The following SGCD variants were observed in gnomAD, a reference collection of about 807,000 sequenced individuals.
SGCD encodes sarcoglycan delta.
In SGCD, 18 loss-of-function variants were observed where a neutral mutation model predicts 36.6. The ratio of observed to expected loss-of-function variants is 0.49; its 90% confidence interval spans 0.34 to 0.73. SGCD has a LOEUF of 0.73. SGCD is among the 30% of genes least tolerant of loss of function. The probability of loss-of-function intolerance (pLI) is 0.01; values close to 1 mark genes in which losing one functional copy is unlikely to be tolerated. For synonymous variants in SGCD, 133 were observed against 130.6 expected (o/e 1.02, Z -0.12); for missense variants, 387 against 346.7 (o/e 1.12, Z -0.92).
At chr5:156,638,463 G>A (rs559016176) in intron 6 of SGCD, among the ~76,000 whole-genome samples, 2 of 152,192 alleles carry the variant, frequency 1.3e-5, no homozygotes, top group South Asian at 2.1e-4. Context: ...AGAACCAGGG[G>A]GTCACCCTTG....
intron 3 of SGCD, among the ~76,000 whole-genome samples, chr5:156,504,392 G>GTGTATATATATATA (rs1413599402): frequency 5.3e-4 from 40 of 75,064 alleles, no homozygotes; most frequent in Non-Finnish European, 9.1e-4. Context: ...GTGTGTGTGT[G>GTGTATATATATATA]TATATATATA....
In SGCD at chr5:156,647,501, A is replaced by G; in HGVS notation, c.540A>G (p.Thr180=). 6.3e-7 allele frequency: 1 copy of G among 1,586,744 alleles called. No homozygotes were observed. The highest frequency in any genetic ancestry group is 8.6e-7 in the Non-Finnish European group (1 of 1,164,720). The change falls in exon 7 of 9, where the codon ACA becomes ACG. Residue 180 remains threonine (T), a synonymous_variant. Transcript: ENST00000337851. ...CAGTGTTCCCTAAATCTATAGAAAC[A>G]CCTAATGTCAGGGCAGACCCCTTCA... ...EGTVFPKSIE[T]PNVRADPFKE... is the part of the protein sequence containing the mutation.
chr5:156,505,043 AAT>A (rs896475635), intron 3 of SGCD, among the ~76,000 whole-genome samples: 1 of 152,216 alleles, frequency 6.6e-6, no homozygotes, highest in Non-Finnish European at 1.5e-5. Flanking sequence ...AGTCAGGTTG[AAT>A]ATGTGTTTCT....
intron 1 of SGCD, among the ~76,000 whole-genome samples, chr5:155,959,071 T>C (rs1437808468): frequency 1.3e-5 from 2 of 152,092 alleles, no homozygotes; most frequent in Non-Finnish European, 2.9e-5. Flanking sequence ...CATCAACAAA[T>C]GTAATTCAAG....
intron 3 of SGCD, among the ~76,000 whole-genome samples, chr5:156,390,590 T>C (rs10476373): frequency 0.49 from 74,329 of 151,920 alleles, 18,558 homozygotes; most frequent in Middle Eastern, 0.65. Context: ...ATCAGCCGGG[T>C]GTGGTGGCAT....
chr5:156,148,112 A>C (rs543914155), intron 3 of SGCD, among the ~76,000 whole-genome samples: 1 of 152,334 alleles, frequency 6.6e-6, no homozygotes, highest in African/African-American at 2.4e-5. Context: ...GATGTAGTGA[A>C]AAAAGAATGT....
chr5:156,465,680 G>T (rs918393077), intron 3 of SGCD, among the ~76,000 whole-genome samples: 2 of 152,170 alleles, frequency 1.3e-5, no homozygotes, highest in Non-Finnish European at 1.5e-5. Flanking sequence ...CACATCAAAA[G>T]TTAACTTTCT....
chr5:156,567,523 C>T (rs253605), intron 4 of SGCD, among the ~76,000 whole-genome samples: 16,073 of 152,138 alleles, frequency 0.11, 1,132 homozygotes, highest in Admixed American at 0.16. Flanking sequence ...TTGTCCAGTT[C>T]ATGTCTAAAG....
intron 3 of SGCD, among the ~76,000 whole-genome samples, chr5:156,231,943 C>A (rs901794563): frequency 5.3e-5 from 8 of 152,190 alleles, no homozygotes; most frequent in Non-Finnish European, 1.2e-4. Context: ...TGACATGAGT[C>A]AACTAAGACA....
At chr5:156,519,991 A>G (rs537775888) in intron 4 of SGCD, among the ~76,000 whole-genome samples, 8 of 152,182 alleles carry the variant, frequency 5.3e-5, no homozygotes, top group Non-Finnish European at 1.0e-4. Context: ...CTCCTATTCA[A>G]CATAGTATTG....
chr5:155,957,135 A>T (rs1757678648), intron 1 of SGCD, among the ~76,000 whole-genome samples: 1 of 151,484 alleles, frequency 6.6e-6, no homozygotes, highest in South Asian at 2.1e-4. Context: ...TGAAGATCTG[A>T]AGGAGATGGA....
At chr5:156,753,620 G>T (rs1757232321) in intron 7 of SGCD, among the ~76,000 whole-genome samples, 1 of 152,164 alleles carries the variant, frequency 6.6e-6, no homozygotes, top group South Asian at 2.1e-4. Context: ...CCCCATGGCT[G>T]GGGAGGCCTC....
chr5:156,629,652 T>C lies in SGCD; in HGVS notation c.503-17812T>C, dbSNP rs773227161. Among the ~76,000 whole-genome samples the C allele has an allele frequency of 5.0e-4, 76 of 152,184 alleles. 1 individual carries two copies. Among genetic ancestry groups the C allele is most frequent in the South Asian group, 1.7e-3 (8 of 4,824 alleles). On this transcript the variant is annotated intron_variant, in intron 6 of 8. Transcript: ENST00000337851. Reference sequence around the variant, plus strand: ...ACAAAGGGCCAGATAGTAAATATTTTAGGTTTATGGACCACAGGGTCTCTG... The same window carrying C: ...ACAAAGGGCCAGATAGTAAATATTTCAGGTTTATGGACCACAGGGTCTCTG...
intron 3 of SGCD, among the ~76,000 whole-genome samples, chr5:156,151,937 G>A (rs972964075): frequency 6.6e-6 from 1 of 151,260 alleles, no homozygotes; most frequent in Admixed American, 6.6e-5. Flanking sequence ...ATAAACAGAA[G>A]GGAAGGGAAA....
the SGCD span, among the ~76,000 whole-genome samples, chr5:155,825,062 T>C: frequency 6.6e-6 from 1 of 152,114 alleles, no homozygotes; most frequent in African/African-American, 2.4e-5. Context: ...TATCATTTTT[T>C]AAAATCAGAT....
intron 3 of SGCD, among the ~76,000 whole-genome samples, chr5:156,430,117 A>C (rs182093675): frequency 6.6e-6 from 1 of 152,212 alleles, no homozygotes; most frequent in Admixed American, 6.5e-5. Flanking sequence ...AAGTTTTTCA[A>C]ATTTTTAGAT....
At chr5:155,745,460 TTCTC>T in the SGCD span, among the ~76,000 whole-genome samples, 1 of 152,166 alleles carries the variant, frequency 6.6e-6, no homozygotes, top group Non-Finnish European at 1.5e-5. Context: ...CCCTTTCTAT[TTCTC>T]TCTTTTTTTC....
At chr5:155,738,481 C>T in the SGCD span, among the ~76,000 whole-genome samples, 1 of 152,170 alleles carries the variant, frequency 6.6e-6, no homozygotes, top group East Asian at 1.9e-4. Context: ...ATCTTGGGGA[C>T]TGTTCATGTA....
intron 3 of SGCD, among the ~76,000 whole-genome samples, chr5:156,296,209 G>A (rs1012661015): frequency 1.3e-5 from 2 of 152,178 alleles, no homozygotes; most frequent in Non-Finnish European, 2.9e-5. Context: ...AGTGGAGAAG[G>A]TCAAGTGGGT....
Sources: gnomAD v4.1 joint callset for allele counts (sites outside exome capture counted in the v4.1 genomes callset) on GRCh38, gnomAD v4.1.1 for gene constraint, MANE v1.5 for transcripts, NCBI Gene and HGNC (gene_info 2026-07-23, HGNC 2026-07-21) for gene names.